Variants in IQCM observed in about 807,000 individuals in gnomAD.
IQCM encodes the protein IQ motif containing M, also known as IQ domain-containing protein M.
A neutral mutation model predicts 57.6 loss-of-function variants in IQCM; 45 were observed. The ratio of observed to expected loss-of-function variants is 0.78; its 90% CI spans 0.62 to 1.00. The LOEUF (loss-of-function observed/expected upper bound fraction) is 1.00. IQCM is among the 50% of genes least tolerant of loss of function. IQCM has a pLI of 0.00. For missense variants in IQCM, 468 were observed against 511.6 expected, an observed-to-expected ratio of 0.91 and a Z score of 0.82; for synonymous variants, 148 against 158.9, an observed-to-expected ratio of 0.93 and a Z score of 0.51.
chr4:149,720,638 G>T (rs148829491), intron 5 of IQCM, among the ~76,000 whole-genome samples: 256 of 152,238 alleles, frequency 1.7e-3, no homozygotes, highest in Non-Finnish European at 2.8e-3. Context: ...ATTCTGTTTA[G>T]GTTCTTTCTG....
intron 2 of IQCM, among the ~76,000 whole-genome samples, chr4:149,775,501 T>C (rs909190588): frequency 1.3e-5 from 2 of 152,214 alleles, no homozygotes; most frequent in Admixed American, 6.5e-5. Context: ...CCATCACTTC[T>C]AAATTCCCAA....
intron 13 of IQCM, among the ~76,000 whole-genome samples, chr4:149,420,814 T>C (rs760563148): frequency 7.2e-5 from 11 of 152,036 alleles, no homozygotes; most frequent in Non-Finnish European, 1.5e-4. Flanking sequence ...ATGATAAAAA[T>C]CATCCTCTTG....
chr4:149,793,406 T>G (rs1284112393), intron 2 of IQCM, among the ~76,000 whole-genome samples: 1 of 152,158 alleles, frequency 6.6e-6, no homozygotes, highest in Admixed American at 6.6e-5. Context: ...TTACTACTCC[T>G]AGTGCCTCTC....
chr4:149,378,060 A>G (rs1730814368), intron 13 of IQCM, among the ~76,000 whole-genome samples: 1 of 152,112 alleles, frequency 6.6e-6, no homozygotes, highest in African/African-American at 2.4e-5. Flanking sequence ...TGATTGCTTT[A>G]TAAGAGGAAC....
At position 149,418,071 on chromosome 4, in the gene IQCM, C is replaced by G. The variant is rs576661798; in HGVS notation, c.1390+15325G>C. ...CTGACCACCAAGAGCAAACAAACCC[C>G]AAAGCTAGCAGAAGATAAGAAATAA... On this transcript the variant is annotated intron_variant, in intron 13 of 13. Transcript: ENST00000636793. Among the ~76,000 whole-genome samples the G allele has an allele frequency of 2.4e-3, 358 of 150,690 alleles. 1 individual carries two copies. Among genetic ancestry groups the G allele is most frequent in the Non-Finnish European group, 4.4e-3 (297 of 67,592 alleles).
intron 7 of IQCM, among the ~76,000 whole-genome samples, chr4:149,653,452 A>G (rs1164182208): frequency 1.3e-5 from 2 of 152,064 alleles, no homozygotes; most frequent in East Asian, 3.9e-4. Context: ...GTATATATCT[A>G]TATAACATAT....
At chr4:149,689,107 C>T (rs1762759418) in intron 5 of IQCM, among the ~76,000 whole-genome samples, 1 of 151,950 alleles carries the variant, frequency 6.6e-6, no homozygotes, top group African/African-American at 2.4e-5. Context: ...GACACATGCA[C>T]ACCTATGTTT....
chr4:149,366,733 A>G (rs1259179189), intron 13 of IQCM, among the ~76,000 whole-genome samples: 1 of 151,846 alleles, frequency 6.6e-6, no homozygotes, highest in Non-Finnish European at 1.5e-5. Flanking sequence ...GGATGTGTTG[A>G]TATCTACAAC....
chr4:149,784,081 G>C (rs1771862809), intron 2 of IQCM, among the ~76,000 whole-genome samples: 1 of 152,162 alleles, frequency 6.6e-6, no homozygotes. Flanking sequence ...GATAATGTAT[G>C]TGTTGTTTTA....
At chr4:149,708,948 C>T (rs1441107142) in intron 5 of IQCM, among the ~76,000 whole-genome samples, 1 of 152,150 alleles carries the variant, frequency 6.6e-6, no homozygotes, top group East Asian at 1.9e-4. Flanking sequence ...AAGCTCTAGG[C>T]TGTAAAGCTG....
At chr4:149,363,469 G>T (rs1474478087) in intron 13 of IQCM, among the ~76,000 whole-genome samples, 2 of 152,186 alleles carry the variant, frequency 1.3e-5, no homozygotes, top group African/African-American at 2.4e-5. Context: ...TTCATAGACA[G>T]CAGAGATTGT....
chr4:149,780,762 A>C (rs1334021080), intron 2 of IQCM, among the ~76,000 whole-genome samples: 3 of 152,100 alleles, frequency 2.0e-5, no homozygotes, highest in African/African-American at 7.2e-5. Flanking sequence ...AAAATACTCC[A>C]AAGAAACATC....
intron 12 of IQCM, among the ~76,000 whole-genome samples, chr4:149,495,361 A>G (rs1288016549): frequency 6.6e-6 from 1 of 152,110 alleles, no homozygotes; most frequent in African/African-American, 2.4e-5. Context: ...TACTTATTCA[A>G]TCTCACACAA....
chr4:149,611,399 C>A (rs1755271541), intron 8 of IQCM, among the ~76,000 whole-genome samples: 2 of 151,966 alleles, frequency 1.3e-5, no homozygotes, highest in Admixed American at 6.6e-5. Context: ...TTTGTTGCAC[C>A]ACTATTCACA....
intron 8 of IQCM, among the ~76,000 whole-genome samples, chr4:149,593,043 T>A (rs1357889827): frequency 6.6e-6 from 1 of 152,192 alleles, no homozygotes; most frequent in African/African-American, 2.4e-5. Context: ...TAAATTACCT[T>A]GGGCAGTATG....
At chr4:149,573,039 A>G (rs560882963) in intron 9 of IQCM, among the ~76,000 whole-genome samples, 1 of 152,022 alleles carries the variant, frequency 6.6e-6, no homozygotes, top group East Asian at 1.9e-4. Context: ...TTTCATTATA[A>G]TAGAAAAAAT....
chr4:149,431,363 G>A (rs934554921), intron 13 of IQCM, among the ~76,000 whole-genome samples: 1 of 151,840 alleles, frequency 6.6e-6, no homozygotes, highest in Non-Finnish European at 1.5e-5. Context: ...AGCCATTTTT[G>A]TAGATATATA....
At chr4:149,744,525 C>T (rs1292045159) in intron 2 of IQCM, among the ~76,000 whole-genome samples, 1 of 152,096 alleles carries the variant, frequency 6.6e-6, no homozygotes, top group African/African-American at 2.4e-5. Flanking sequence ...CAAGACATCC[C>T]ACTGTCCTTT....
intron 13 of IQCM, among the ~76,000 whole-genome samples, chr4:149,372,235 T>C (rs1730415520): frequency 6.6e-6 from 1 of 152,218 alleles, no homozygotes; most frequent in Non-Finnish European, 1.5e-5. Flanking sequence ...AGCTTAGTTG[T>C]ATTTCTTCAA....
Sources: gnomAD v4.1 joint callset for allele counts (sites outside exome capture counted in the v4.1 genomes callset) on GRCh38, gnomAD v4.1.1 for gene constraint, MANE v1.5 for transcripts, NCBI Gene and HGNC (gene_info 2026-07-23, HGNC 2026-07-21) for gene names.